TPRG1: variants seen among roughly 807,000 people sequenced by gnomAD.
TPRG1 encodes the protein tumor protein p63 regulated 1.
TPRG1 carries 29 observed loss-of-function variants against 29.3 expected under a neutral mutation model. The observed-to-expected ratio is 0.99, with a 90% confidence interval of 0.74 to 1.35. The LOEUF (loss-of-function observed/expected upper bound fraction) is 1.35, where lower values mean the gene tolerates loss of function less well. Among genes scored for constraint, TPRG1 ranks in the 40% most tolerant of loss-of-function variants. The pLI, the probability that TPRG1 is intolerant of heterozygous loss-of-function variation, is 0.00. For missense variants in TPRG1, 327 were observed against 335.0 expected (o/e 0.98, Z 0.19); for synonymous variants, 130 against 116.8 (o/e 1.11, Z -0.73).
At chr3:189,204,441 G>A (rs1733995881) in intron 1 of TPRG1, among the ~76,000 whole-genome samples, 1 of 152,170 alleles carries the variant, frequency 6.6e-6, no homozygotes, top group South Asian at 2.1e-4. Context: ...TCTGTTTATT[G>A]TTCTTCTAAG....
chr3:189,255,502 T>C (rs114598768), intron 4 of TPRG1, among the ~76,000 whole-genome samples: 254 of 152,330 alleles, frequency 1.7e-3, no homozygotes, highest in African/African-American at 5.8e-3. Context: ...CTTGTGCGTC[T>C]ACCGGGTTTT....
intron 4 of TPRG1, among the ~76,000 whole-genome samples, chr3:189,070,662 A>C (rs1202716184): frequency 1.3e-5 from 2 of 152,216 alleles, no homozygotes; most frequent in Non-Finnish European, 2.9e-5. Flanking sequence ...AAAGAGAACA[A>C]TACGACAGTT....
intron 4 of TPRG1, among the ~76,000 whole-genome samples, chr3:189,035,414 C>A (rs1461859986): frequency 1.3e-5 from 2 of 152,058 alleles, no homozygotes; most frequent in Non-Finnish European, 2.9e-5. Context: ...ACAATTGCAA[C>A]AAAAACAAAA....
chr3:189,067,425 C>G (rs2152148287), intron 4 of TPRG1, among the ~76,000 whole-genome samples: 1 of 152,226 alleles, frequency 6.6e-6, no homozygotes, highest in South Asian at 2.1e-4. Context: ...AATTATACTA[C>G]AGAGCTATAG....
intron 1 of TPRG1, among the ~76,000 whole-genome samples, chr3:189,108,419 C>CAGAGGATG (rs1321255411): frequency 6.6e-6 from 1 of 151,836 alleles, no homozygotes; most frequent in Admixed American, 6.6e-5. Flanking sequence ...ATTGCCATGA[C>CAGAGGATG]AGAGGATGAA....
chr3:189,249,914 T>C (rs1343893365), intron 4 of TPRG1, among the ~76,000 whole-genome samples: 1 of 152,162 alleles, frequency 6.6e-6, no homozygotes, highest in Non-Finnish European at 1.5e-5. Flanking sequence ...ATTTAGAAAA[T>C]ATGCTTCCAG....
intron 1 of TPRG1, among the ~76,000 whole-genome samples, chr3:189,183,056 A>G (rs528727613): frequency 4.3e-4 from 66 of 152,318 alleles, no homozygotes; most frequent in Non-Finnish European, 8.4e-4. Flanking sequence ...TTGGAAACAG[A>G]GTGACTTTTT....
intron 1 of TPRG1, among the ~76,000 whole-genome samples, chr3:189,172,984 C>T (rs1729009698): frequency 6.6e-6 from 1 of 152,168 alleles, no homozygotes; most frequent in African/African-American, 2.4e-5. Context: ...GAAAAACACC[C>T]CCAAATCCTT....
chr3:189,267,134 C>T (rs147247345), intron 4 of TPRG1, among the ~76,000 whole-genome samples: 43 of 152,208 alleles, frequency 2.8e-4, no homozygotes, highest in African/African-American at 9.4e-4. Context: ...TTTAGATATA[C>T]AAAAACTTAC....
chr3:189,190,521 T>C (rs1008371106), intron 1 of TPRG1, among the ~76,000 whole-genome samples: 9 of 152,196 alleles, frequency 5.9e-5, no homozygotes, highest in African/African-American at 2.2e-4. Flanking sequence ...CACTTTCTCT[T>C]TGGCATACTT....
chr3:189,204,924 G>A (rs1477419505), intron 1 of TPRG1, among the ~76,000 whole-genome samples: 2 of 132,734 alleles, frequency 1.5e-5, no homozygotes, highest in African/African-American at 2.8e-5. Context: ...CTCTGTCTCT[G>A]TCTCTATGTC....
chr3:189,163,176 G>C (rs1247284197), intron 5 of TPRG1, among the ~76,000 whole-genome samples: 2 of 152,162 alleles, frequency 1.3e-5, no homozygotes, highest in African/African-American at 4.8e-5. Flanking sequence ...GGGAGGCTGA[G>C]GCAGGAGAAT....
intron 3 of TPRG1, among the ~76,000 whole-genome samples, chr3:189,020,016 G>A (rs1713204546): frequency 1.3e-5 from 2 of 151,680 alleles, no homozygotes; most frequent in African/African-American, 4.8e-5. Context: ...TAGTTTATTT[G>A]CGTAGAGGTG....
intron 1 of TPRG1, among the ~76,000 whole-genome samples, chr3:189,109,381 T>G (rs1720225919): frequency 6.6e-6 from 1 of 152,200 alleles, no homozygotes; most frequent in Non-Finnish European, 1.5e-5. Context: ...AGTTACCAGA[T>G]GTAATCGCTC....
At position 189,143,497 on chromosome 3, in the gene TPRG1, A is replaced by C. The variant is rs138850354; in HGVS notation, c.-290-4087A>C. On this transcript the variant is annotated intron_variant, in intron 3 of 6. Coordinates refer to the TPRG1 transcript ENST00000412373. ...GACTAGAGAGCTGGAAGCTGGATGC[A>C]TATTTGTATGGCTCTGTCATACAAA... 2.4e-3 allele frequency among the ~76,000 whole-genome samples: 369 copies of C among 152,326 alleles called. 1 individual carries two copies. Among genetic ancestry groups the C allele is most frequent in the African/African-American group, 8.5e-3 (352 of 41,574 alleles).
intron 3 of TPRG1, among the ~76,000 whole-genome samples, chr3:189,225,692 C>T (rs926865430): frequency 1.2e-4 from 18 of 146,338 alleles, no homozygotes; most frequent in Non-Finnish European, 2.4e-4. Context: ...AAGGGGTTTC[C>T]TGGGTTGTGC....
At chr3:189,018,803 T>A (rs1442662158) in intron 3 of TPRG1, among the ~76,000 whole-genome samples, 4 of 148,548 alleles carry the variant, frequency 2.7e-5, no homozygotes, top group Middle Eastern at 6.4e-3. Flanking sequence ...TGGCATTGAA[T>A]CTGTAAATTA....
rs150930365 is a variant in TPRG1 at position 189,137,928 on chromosome 3, T to G, written c.-291+5231T>G. 4.7e-3 allele frequency among the ~76,000 whole-genome samples: 723 copies of G among 152,260 alleles called. 4 individuals carry two copies. The highest frequency in any genetic ancestry group is 0.016 in the African/African-American group (683 of 41,548). ...GCCTCTCTATTTTTAAGCTGGAAGA[T>G]GTAGCCTTAGGGTACCTAATTCCAT... On this transcript the variant is annotated intron_variant, in intron 3 of 6. Transcript: ENST00000412373.
chr3:189,133,935 G>T (rs1415466662), intron 3 of TPRG1, among the ~76,000 whole-genome samples: 2 of 152,202 alleles, frequency 1.3e-5, no homozygotes, highest in Non-Finnish European at 2.9e-5. Flanking sequence ...GCCAACTCAA[G>T]TTGACACAAC....
Sources: allele counts gnomAD v4.1 joint callset (sites outside exome capture counted in the v4.1 genomes callset), GRCh38; gene constraint gnomAD v4.1.1; transcripts MANE v1.5; gene names NCBI Gene and HGNC (gene_info 2026-07-23, HGNC 2026-07-21).